OLFM3: variants seen among roughly 807,000 people sequenced by gnomAD.
The protein encoded by OLFM3 is noelin-3.
In OLFM3, 20 loss-of-function variants were observed where a neutral mutation model predicts 48.6. That is an observed-to-expected ratio of 0.41 (90% CI 0.29 to 0.60). The LOEUF (loss-of-function observed/expected upper bound fraction) is 0.60, where lower values mean the gene tolerates loss of function less well. OLFM3 is among the 20% of genes least tolerant of loss of function. The probability of loss-of-function intolerance (pLI) is 0.28; values close to 1 mark genes in which losing one functional copy is unlikely to be tolerated. For missense variants in OLFM3, 437 were observed against 544.3 expected (o/e 0.80, Z 1.96); for synonymous variants, 222 against 198.1 (o/e 1.12, Z -1.01).
intron 1 of OLFM3, among the ~76,000 whole-genome samples, chr1:101,878,957 G>A (rs1657409280): frequency 6.6e-6 from 1 of 151,826 alleles, no homozygotes; most frequent in Non-Finnish European, 1.5e-5. Context: ...ATATGTAACT[G>A]AACCACATTT....
intron 1 of OLFM3, among the ~76,000 whole-genome samples, chr1:101,984,324 A>G (rs980439826): frequency 1.3e-5 from 2 of 151,604 alleles, no homozygotes; most frequent in African/African-American, 2.4e-5. Context: ...CAACAAAATG[A>G]TTTATTTTTT....
At chr1:101,942,229 C>G (rs1659817314) in intron 1 of OLFM3, among the ~76,000 whole-genome samples, 1 of 152,128 alleles carries the variant, frequency 6.6e-6, no homozygotes, top group African/African-American at 2.4e-5. Flanking sequence ...TTCAAATATT[C>G]TTTCAGAAAC....
At chr1:101,874,831 A>T (rs4483431) in intron 1 of OLFM3, among the ~76,000 whole-genome samples, 73,719 of 151,744 alleles carry the variant, frequency 0.49, 18,471 homozygotes, top group Non-Finnish European at 0.56. Context: ...GCATGGATCT[A>T]GTCTCATCTT....
intron 1 of OLFM3, among the ~76,000 whole-genome samples, chr1:101,969,713 ATTTTTTTTCCCTCTTTGGGC>A (rs1038827238): frequency 2.0e-5 from 3 of 151,524 alleles, no homozygotes; most frequent in African/African-American, 7.3e-5. Flanking sequence ...CTTCTTACTG[ATTTTTTTTCCCTCTTTGGGC>A]TTTTTTTCCC....
chr1:101,915,330 A>T (rs1658886965), intron 1 of OLFM3, among the ~76,000 whole-genome samples: 1 of 151,956 alleles, frequency 6.6e-6, no homozygotes, highest in African/African-American at 2.4e-5. Context: ...GCTATAAATA[A>T]TTGTACATTT....
At chr1:101,821,428 A>T (rs931946741) in intron 4 of OLFM3, among the ~76,000 whole-genome samples, 3 of 152,030 alleles carry the variant, frequency 2.0e-5, no homozygotes, top group Non-Finnish European at 4.4e-5. Context: ...TAAAAATATG[A>T]AGTTTCATTT....
chr1:101,907,288 T>C (rs973934290), intron 1 of OLFM3, among the ~76,000 whole-genome samples: 6 of 152,220 alleles, frequency 3.9e-5, no homozygotes, highest in African/African-American at 1.4e-4. Flanking sequence ...TATACAAACA[T>C]CAATCACTCA....
chr1:101,958,522 G>A (rs1035653638), intron 1 of OLFM3, among the ~76,000 whole-genome samples: 6 of 151,942 alleles, frequency 3.9e-5, no homozygotes, highest in Admixed American at 6.6e-5. Context: ...GTAGATTTGG[G>A]GACTAGCAGA....
At chr1:101,946,501 T>C (rs938561006) in intron 1 of OLFM3, among the ~76,000 whole-genome samples, 4 of 152,174 alleles carry the variant, frequency 2.6e-5, no homozygotes, top group African/African-American at 4.8e-5. Flanking sequence ...AATTGCTTGA[T>C]AGAGTCATTC....
chr1:101,886,755 T>C (rs1392472331), intron 1 of OLFM3, among the ~76,000 whole-genome samples: 3 of 152,076 alleles, frequency 2.0e-5, no homozygotes, highest in African/African-American at 7.2e-5. Context: ...ATGAAGACAC[T>C]AAATTTTGGG....
At chr1:101,916,451 A>G (rs1165130690) in intron 1 of OLFM3, among the ~76,000 whole-genome samples, 2 of 151,906 alleles carry the variant, frequency 1.3e-5, no homozygotes, top group Non-Finnish European at 2.9e-5. Flanking sequence ...GATCTAAGAC[A>G]GTTAATGTTA....
intron 1 of OLFM3, among the ~76,000 whole-genome samples, chr1:101,840,829 T>C (rs1655684198): frequency 6.6e-6 from 1 of 152,202 alleles, no homozygotes; most frequent in South Asian, 2.1e-4. Flanking sequence ...TCTGAACTAC[T>C]GTGAAGCTCA....
At chr1:101,996,232 C>T (rs937073294) in intron 1 of OLFM3, among the ~76,000 whole-genome samples, 1 of 152,158 alleles carries the variant, frequency 6.6e-6, no homozygotes, top group Non-Finnish European at 1.5e-5. Context: ...GAGAGTATAG[C>T]TCTGCTGCTC....
chr1:101,817,667 G>C (rs200224186), intron 4 of OLFM3, among the ~76,000 whole-genome samples: 9 of 45,260 alleles, frequency 2.0e-4, no homozygotes, highest in East Asian at 2.8e-3. Context: ...TGCACTAATA[G>C]CTCTGGATTT....
intron 1 of OLFM3, among the ~76,000 whole-genome samples, chr1:101,892,817 A>C (rs990483885): frequency 6.6e-6 from 1 of 152,044 alleles, no homozygotes; most frequent in African/African-American, 2.4e-5. Flanking sequence ...GGCTCTTTCC[A>C]AAAGAGAATG....
At chr1:101,907,136 G>A (rs1658580714) in intron 1 of OLFM3, among the ~76,000 whole-genome samples, 1 of 152,080 alleles carries the variant, frequency 6.6e-6, no homozygotes, top group Non-Finnish European at 1.5e-5. Flanking sequence ...CAATAGCAAT[G>A]AAAGATTTTA....
chr1:101,822,480 A>G (rs1043370900), intron 4 of OLFM3, among the ~76,000 whole-genome samples: 3 of 152,046 alleles, frequency 2.0e-5, no homozygotes, highest in African/African-American at 7.2e-5. Flanking sequence ...GGAAGAGTGA[A>G]TTGATTCTCA....
At chr1:101,872,654 A>C (rs1194590034) in intron 1 of OLFM3, among the ~76,000 whole-genome samples, 1 of 152,004 alleles carries the variant, frequency 6.6e-6, no homozygotes, top group Admixed American at 6.6e-5. Flanking sequence ...TTCCAAGTTA[A>C]ATGATGATGA....
intron 1 of OLFM3, among the ~76,000 whole-genome samples, chr1:101,905,608 A>G (rs1356639358): frequency 6.6e-6 from 1 of 152,144 alleles, no homozygotes; most frequent in Non-Finnish European, 1.5e-5. Flanking sequence ...GCTAACAGCC[A>G]GTTTCCAGGG....
Sources: allele counts gnomAD v4.1 joint callset (sites outside exome capture counted in the v4.1 genomes callset), GRCh38; gene constraint gnomAD v4.1.1; transcripts MANE v1.5; gene names NCBI Gene and HGNC (gene_info 2026-07-23, HGNC 2026-07-21).